Variants in PXN observed in about 807,000 individuals in gnomAD.
PXN encodes the protein testicular tissue protein Li 134.
In PXN, 61 loss-of-function variants were observed where a neutral mutation model predicts 103.6. That is an observed-to-expected ratio of 0.59 (90% CI 0.48 to 0.73). PXN has a LOEUF of 0.73. Ranked by LOEUF, PXN falls within the 30% of genes least tolerant of loss-of-function variation. The probability of loss-of-function intolerance (pLI) is 0.00; values close to 1 mark genes in which losing one functional copy is unlikely to be tolerated. For synonymous variants in PXN, 562 were observed against 607.8 expected (o/e 0.92, Z 1.11); for missense variants, 1,274 against 1,460.3 (o/e 0.87, Z 2.08).
At position 120,231,493 on chromosome 12, in the gene PXN, T is replaced by C. The variant is rs190198003; in HGVS notation, c.14-7116A>G. On this transcript the variant is annotated intron_variant, in intron 1 of 14. Coordinates refer to ENST00000637617, the MANE Select transcript of PXN (RefSeq NM_001385981.1). The stretch of plus-strand genomic sequence containing the variant: ...TTTACCCTTACAGCCCTGAAGGAAG[T>C]GTGGGCTGGGGGGTGACACACAGGA... Among the ~76,000 whole-genome samples, 186 of 152,174 alleles carry C rather than the reference T, an allele frequency of 1.2e-3. 1 individual carries two copies. The highest frequency in any genetic ancestry group is 2.0e-3 in the Non-Finnish European group (135 of 67,994).
intron 1 of PXN, among the ~76,000 whole-genome samples, chr12:120,247,132 T>C (rs539791598): frequency 1.3e-5 from 2 of 152,278 alleles, no homozygotes; most frequent in African/African-American, 4.8e-5. Flanking sequence ...TCTAACCACA[T>C]TGATAATTAC....
chr12:120,257,717 T>C (rs1566437678), intron 1 of PXN, among the ~76,000 whole-genome samples: 1 of 152,184 alleles, frequency 6.6e-6, no homozygotes, highest in Non-Finnish European at 1.5e-5. Context: ...GCCTGAAGGC[T>C]GGAAAACTGG....
chr12:120,218,564 T>TG (rs1044943830), intron 7 of PXN, among the ~76,000 whole-genome samples: 1 of 152,080 alleles, frequency 6.6e-6, no homozygotes, highest in African/African-American at 2.4e-5. Flanking sequence ...TTAGTAGAGA[T>TG]GGGGTTTCTC....
At position 120,224,093 on chromosome 12, in the gene PXN, C is replaced by G. The variant is rs1350851630; in HGVS notation, c.240+58G>C. The G allele has an allele frequency of 7.3e-7, 1 of 1,375,854 alleles. No homozygotes were observed. The highest frequency in any genetic ancestry group is 9.9e-7 in the Non-Finnish European group (1 of 1,014,678). 85.2% of individuals were successfully genotyped at this position (1,375,854 alleles called of 1,614,324 possible). ...CCCTGGCTCCCTAAGCCCCTGCCAG[C>G]TAAGTTCCCTCTGTCCCCCAGCCTC... is the stretch of plus-strand genomic sequence containing the variant. On this transcript the variant is annotated intron_variant, in intron 2 of 14. Coordinates refer to ENST00000637617, the MANE Select transcript of PXN (RefSeq NM_001385981.1). The surrounding 1 kb of genome is among the most constrained non-coding windows in gnomAD (Gnocchi z 5.0).
chr12:120,215,831 A>G lies in PXN; in HGVS notation c.2302-170T>C. The G allele has an allele frequency of 3.1e-6, 4 of 1,292,414 alleles. No individual in the cohort carries two copies. The highest frequency in any genetic ancestry group is 2.7e-5 in the Admixed American group (1 of 36,600). 80.1% of individuals were successfully genotyped at this position (1,292,414 alleles called of 1,614,324 possible). Reference sequence around the variant, plus strand: ...ATCTGGAGAAAAAGAGCCCTGAGAGAGAGGCCTAGGGAGAAAGGAAGAAGG... The same window carrying G: ...ATCTGGAGAAAAAGAGCCCTGAGAGGGAGGCCTAGGGAGAAAGGAAGAAGG... On this transcript the variant is annotated intron_variant, in intron 9 of 14. Coordinates refer to ENST00000637617, the MANE Select transcript of PXN (RefSeq NM_001385981.1). This position sits in a 1 kb window ranked among gnomAD's most constrained non-coding sequence, Gnocchi z 4.9.
Position 120,212,768 on chromosome 12 carries a change from G to C in PXN, c.2980-188C>G. On this transcript the variant is annotated intron_variant, in intron 14 of 14. Transcript: ENST00000637617. The surrounding 1 kb of genome is among the most constrained non-coding windows in gnomAD (Gnocchi z 7.2). The stretch of plus-strand genomic sequence containing the variant: ...TTTTATTAAATAAATTTTTTTTGTA[G>C]AGATGGGGGTCTCACTATATTGCCC... 1.7e-6 allele frequency: 1 copy of C among 603,688 alleles called. No individual in the cohort carries two copies. The highest frequency in any genetic ancestry group is 2.7e-6 in the Non-Finnish European group (1 of 372,914). 37.4% of individuals were successfully genotyped at this position (603,688 alleles called of 1,614,324 possible).
chr12:120,250,010 G>A (rs1366162093), intron 1 of PXN: 3 of 985,160 alleles, frequency 3.0e-6, no homozygotes, highest in Non-Finnish European at 3.6e-6. Flanking sequence ...CTGCCAAGTC[G>A]TGTCTCTGAG....
At chr12:120,239,299 T>G (rs1433217286) in intron 1 of PXN, among the ~76,000 whole-genome samples, 1 of 152,014 alleles carries the variant, frequency 6.6e-6, no homozygotes, top group Non-Finnish European at 1.5e-5. Context: ...ATACAAAAAT[T>G]TAGGCCAGGC....
In PXN at chr12:120,224,248, G is replaced by A; in HGVS notation, c.143C>T (p.Pro48Leu). The change falls in exon 2 of 15, where the codon CCC becomes CTC. Residue 48 changes from proline (P) to leucine (L), a missense_variant. Around this residue, in one of 2 missense-constraint regions of PXN, gnomAD observed 1,178 missense variants for 1,309.0 expected, o/e 0.90. Transcript: ENST00000637617. This position sits in a 1 kb window ranked among gnomAD's most constrained non-coding sequence, Gnocchi z 5.0. ...HTYQEIAVPP[P>L]VPPPPSSEAL... ...CTCGCTGGACGGGGGTGGGGGGACG[G>A]GGGGTGGCACGGCAATCTCCTGGTA... The A allele has an allele frequency of 6.2e-7, 1 of 1,613,298 alleles. No individual in the cohort carries two copies. The highest frequency in any genetic ancestry group is 8.5e-7 in the Non-Finnish European group (1 of 1,179,302).
Position 120,221,706 on chromosome 12 carries a change from A to C in PXN, c.748T>G (p.Ser250Ala), listed in dbSNP as rs1393064853. ...GAGATGCGTGTCTGCTGTTGGGTGG[A>C]GGTGACGCGCTGCGGGCTGCTCATC... ...GEMSSPQRVTSTQQQTRISAS... is the reference protein window; with the variant it reads ...GEMSSPQRVTATQQQTRISAS... Residue 250 changes from serine to alanine, a missense_variant, in exon 6 of 15, where the codon TCC (serine) becomes GCC (alanine). By Grantham distance (99) the Ser-to-Ala change is moderately conservative (BLOSUM62 1). Around this residue, in one of 2 missense-constraint regions of PXN, gnomAD observed 1,178 missense variants for 1,309.0 expected, o/e 0.90. Coordinates refer to ENST00000637617, the MANE Select transcript of PXN (RefSeq NM_001385981.1). The surrounding 1 kb of genome is among the most constrained non-coding windows in gnomAD (Gnocchi z 6.6). The C allele has an allele frequency of 6.4e-7, 1 of 1,571,224 alleles. No homozygotes were observed. The highest frequency in any genetic ancestry group is 1.4e-5 in the African/African-American group (1 of 73,944).
chr12:120,216,095 G>A lies in PXN; in HGVS notation c.2301+178C>T, dbSNP rs748044768. 245 of 1,295,514 alleles carry A rather than the reference G, an allele frequency of 1.9e-4. 1 individual carries two copies. The highest frequency in any genetic ancestry group is 2.3e-4 in the Non-Finnish European group (236 of 1,024,126). The allele number at this position is 1,295,514 out of a possible 1,614,324, so 80.3% of individuals were successfully genotyped here. A position where few individuals can be genotyped will look rare whatever the true frequency, so the allele number is the denominator to read the frequency against. ...AGCAAGAGGGCAGCGGACCTTCTGAGTGGGGGAAGACCGGGGTCAAGGTTT... is the reference window on the plus strand; with the variant it reads ...AGCAAGAGGGCAGCGGACCTTCTGAATGGGGGAAGACCGGGGTCAAGGTTT... On this transcript the variant is annotated intron_variant, in intron 9 of 14. Coordinates refer to ENST00000637617, the MANE Select transcript of PXN (RefSeq NM_001385981.1). The surrounding 1 kb of genome is among the most constrained non-coding windows in gnomAD (Gnocchi z 5.1).
chr12:120,219,705 A>G lies in PXN; in HGVS notation c.1218T>C (p.Ala406=), dbSNP rs1884491464. The change falls in exon 7 of 15, where the codon GCT becomes GCC. Residue 406 remains alanine (A), a synonymous_variant. Transcript: ENST00000637617. This position sits in a 1 kb window ranked among gnomAD's most constrained non-coding sequence, Gnocchi z 6.5. The part of the protein sequence containing the change: ...GAPRCHTVPC[A]GSTALQEPGE... Reference sequence around the variant, plus strand: ...CAGGCTCTTGGAGAGCTGTGCTCCCAGCACAGGGTACAGTGTGGCAGCGGG... The same window carrying G: ...CAGGCTCTTGGAGAGCTGTGCTCCCGGCACAGGGTACAGTGTGGCAGCGGG... 2.5e-6 allele frequency: 4 copies of G among 1,594,908 alleles called. No homozygotes were observed. Among genetic ancestry groups the G allele is most frequent in the African/African-American group, 2.7e-5 (2 of 74,938 alleles).
chr12:120,233,774 C>T (rs80232830), intron 1 of PXN, among the ~76,000 whole-genome samples: 2,756 of 152,266 alleles, frequency 0.018, 91 homozygotes, highest in African/African-American at 0.063. Flanking sequence ...ACCTTCACTG[C>T]CTCCTTGGTC....
At position 120,216,303 on chromosome 12, in the gene PXN, A is replaced by G. The variant is rs1320404447; in HGVS notation, c.2271T>C (p.Thr757=). ...PHTMRSVGCQ[T]DEDPLFPPMQ... is the part of the protein sequence containing the mutation. ...TCGGGGGGAAGAGCGGGTCCTCATC[A>G]GTCTGGCAGCCCACGGACCTCATGG... The change falls in exon 9 of 15, where the codon ACT becomes ACC. Residue 757 remains threonine (T), a synonymous_variant. Transcript: ENST00000637617. The surrounding 1 kb of genome is among the most constrained non-coding windows in gnomAD (Gnocchi z 5.1). 1.6e-6 allele frequency: 2 copies of G among 1,281,530 alleles called. No homozygotes were observed. Among genetic ancestry groups the G allele is most frequent in the Non-Finnish European group, 2.0e-6 (2 of 1,018,656 alleles). 79.4% of individuals were successfully genotyped at this position (1,281,530 alleles called of 1,614,324 possible). A position where few individuals can be genotyped will look rare whatever the true frequency, so the allele number is the denominator to read the frequency against.
chr12:120,234,273 G>A (rs1594450863), intron 1 of PXN, among the ~76,000 whole-genome samples: 2 of 152,024 alleles, frequency 1.3e-5, no homozygotes, highest in Admixed American at 1.3e-4. Flanking sequence ...GTTGAGCATG[G>A]TGGTGCATGC....
intron 1 of PXN, among the ~76,000 whole-genome samples, chr12:120,257,363 A>G (rs1893177841): frequency 6.6e-6 from 1 of 152,292 alleles, no homozygotes; most frequent in South Asian, 2.1e-4. Flanking sequence ...TAAAACACAC[A>G]TCATGCTGCT....
chr12:120,255,083 C>A (rs1303391292), intron 1 of PXN, among the ~76,000 whole-genome samples: 1 of 152,094 alleles, frequency 6.6e-6, no homozygotes, highest in Non-Finnish European at 1.5e-5. Flanking sequence ...CCGGAAGAAT[C>A]TGGACAATAG....
intron 1 of PXN, among the ~76,000 whole-genome samples, chr12:120,231,434 C>T (rs988067313): frequency 1.2e-4 from 18 of 152,202 alleles, no homozygotes; most frequent in South Asian, 4.1e-4. Context: ...AATTCTCCTC[C>T]GCTGACTCAT....
chr12:120,258,655 G>T (rs1021349551), intron 1 of PXN, among the ~76,000 whole-genome samples: 1 of 152,168 alleles, frequency 6.6e-6, no homozygotes, highest in African/African-American at 2.4e-5. Context: ...AGAGGCCCGG[G>T]TACTCTCACT....
Sources: gnomAD v4.1 joint callset for allele counts (sites outside exome capture counted in the v4.1 genomes callset) on GRCh38, gnomAD v4.1.1 for gene constraint, gnomAD v4.1.1 regional missense constraint, Gnocchi (gnomAD v3.1) non-coding constraint, MANE v1.5 for transcripts, NCBI Gene and HGNC (gene_info 2026-07-23, HGNC 2026-07-21) for gene names.